The following HYDIN variants were observed in gnomAD, a reference collection of about 807,000 sequenced individuals.
HYDIN encodes HYDIN axonemal central pair apparatus protein, also known as axonemal central pair apparatus protein HYDIN.
Under a neutral mutation model 403.9 loss-of-function variants are expected in HYDIN, and 132 were observed. The observed-to-expected ratio is 0.33, with a 90% CI of 0.28 to 0.38. The LOEUF is 0.38. HYDIN is among the 10% of genes least tolerant of loss of function. The pLI, the probability that HYDIN is intolerant of heterozygous loss-of-function variation, is 1.00. For synonymous variants in HYDIN, 1,202 were observed against 1,891.7 expected, an observed-to-expected ratio of 0.64 and a Z score of 9.46; for missense variants, 2,827 against 5,009.5, an observed-to-expected ratio of 0.56 and a Z score of 13.15.
chr16:70,981,310 G>A lies in HYDIN; in HGVS notation c.4510+81C>T, dbSNP rs2079038567. On this transcript the variant is annotated intron_variant, in intron 29 of 85. Coordinates refer to ENST00000393567, the MANE Select transcript of HYDIN (RefSeq NM_001270974.2). ...GGGCATTTCCAAGCAAATAAAGTAAGTAGCCAGCAATCTTCCAATAAGCAA... is the reference window on the plus strand; with the variant it reads ...GGGCATTTCCAAGCAAATAAAGTAAATAGCCAGCAATCTTCCAATAAGCAA... 3 of 1,472,312 alleles carry A rather than the reference G, an allele frequency of 2.0e-6. No homozygotes were observed. The East Asian group carries it at 7.1e-5, about 35-fold the overall frequency. 91.2% of individuals were successfully genotyped at this position (1,472,312 alleles called of 1,614,324 possible). A position where few individuals can be genotyped will look rare whatever the true frequency, so the allele number is the denominator to read the frequency against.
intron 84 of HYDIN, among the ~76,000 whole-genome samples, chr16:70,813,880 G>GTAGGTAGTAAT (rs2035665065): frequency 6.6e-6 from 1 of 151,930 alleles, no homozygotes; most frequent in African/African-American, 2.4e-5. Context: ...CTTACTCTAA[G>GTAGGTAGTAAT]TAGGTAGTAA....
At chr16:70,820,400 C>T (rs768088877) in intron 83 of HYDIN, among the ~76,000 whole-genome samples, 1 of 151,512 alleles carries the variant, frequency 6.6e-6, no homozygotes, top group South Asian at 2.1e-4. Flanking sequence ...ACCATGGTCT[C>T]GATCTCCTGA....
In HYDIN at chr16:70,920,640, A is replaced by T. The variant is rs1464306735; in HGVS notation, c.7736T>A (p.Leu2579Ter). 6.2e-7 allele frequency: 1 copy of T among 1,613,920 alleles called. No individual in the cohort carries two copies. The highest frequency in any genetic ancestry group is 1.1e-5 in the South Asian group (1 of 91,006). Residue 2579 changes from leucine (L) to a stop codon, truncating the protein, a stop_gained, in exon 46 of 86, where the codon TTG becomes TAG. Coordinates refer to ENST00000393567, the MANE Select transcript of HYDIN (RefSeq NM_001270974.2). LOFTEE classifies it high-confidence loss of function. ...GCTCTCTAGGGCCTGCTTCCAGCTC[A>T]AGCCTTCAAAGTCTGGTGTCTGGAT... ...LDIQTPDFEG[L>*]SWKQALESDK...
intron 45 of HYDIN, among the ~76,000 whole-genome samples, chr16:70,925,306 C>A (rs1282342143): frequency 2.6e-5 from 4 of 152,228 alleles, no homozygotes; most frequent in African/African-American, 9.6e-5. Context: ...GCAAGCAAGA[C>A]CCCTATCTTT....
At chr16:71,017,323 C>A (rs959646808) in intron 23 of HYDIN, among the ~76,000 whole-genome samples, 2 of 146,506 alleles carry the variant, frequency 1.4e-5, no homozygotes, top group African/African-American at 5.2e-5. Flanking sequence ...GCACTCCAGC[C>A]TGGGCGACAA....
At position 71,186,854 on chromosome 16, in the gene HYDIN, C is replaced by A. The variant is rs1442902035; in HGVS notation, c.42G>T (p.Gln14His). The change falls in exon 2 of 86, where the codon CAG (glutamine) becomes CAT (histidine). Residue 14 changes from glutamine to histidine, a missense_variant. Transcript: ENST00000393567. ...RRLEESMGAV[Q>H]MGLVNMFKGF... ...CTTTGAACATATTGACCAATCCCAT[C>A]TGAACAGCCCCCATGGACTCCTCAA... 2 of 1,613,252 alleles carry A rather than the reference C, an allele frequency of 1.2e-6. No homozygotes were observed. The highest frequency in any genetic ancestry group is 1.7e-5 in the Admixed American group (1 of 60,014).
At chr16:70,825,667 C>T (rs1357669428) in intron 83 of HYDIN, among the ~76,000 whole-genome samples, 2 of 147,040 alleles carry the variant, frequency 1.4e-5, no homozygotes, top group Admixed American at 6.6e-5. Flanking sequence ...TTTCATAATC[C>T]CTAAAACCCT....
rs111669450 is a variant in HYDIN, at chr16:71,072,255, C to G, written c.1739-2753G>C. On this transcript the variant is annotated intron_variant, in intron 13 of 85. Transcript: ENST00000393567. ...CAATGGGAAAATCTCTCCTCTGTAGCTGGGGATGTGGCTGGCTCCTGCCTC... is the reference window on the plus strand; with the variant it reads ...CAATGGGAAAATCTCTCCTCTGTAGGTGGGGATGTGGCTGGCTCCTGCCTC... Among the ~76,000 whole-genome samples the G allele has an allele frequency of 7.6e-4, 111 of 146,768 alleles. 2 individuals carry two copies. The highest frequency in any genetic ancestry group is 2.5e-3 in the African/African-American group (99 of 39,410).
chr16:71,048,968 A>G (rs917923769), intron 18 of HYDIN, among the ~76,000 whole-genome samples: 4 of 152,264 alleles, frequency 2.6e-5, no homozygotes, highest in African/African-American at 9.6e-5. Flanking sequence ...AACACTAAAA[A>G]GTAGTTAAGA....
chr16:71,031,381 G>A (rs1234127289), intron 19 of HYDIN: 7 of 1,184,142 alleles, frequency 5.9e-6, no homozygotes, highest in Non-Finnish European at 6.4e-6. Context: ...AGAAATTACG[G>A]TTGAGAGTCT....
At chr16:71,228,575 C>T (rs2041142092) in intron 1 of HYDIN, among the ~76,000 whole-genome samples, 1 of 152,194 alleles carries the variant, frequency 6.6e-6, no homozygotes, top group African/African-American at 2.4e-5. Flanking sequence ...CATCACTGGC[C>T]ATCAGAGAAA....
At chr16:71,067,257 G>A (rs760249928) in intron 15 of HYDIN, 33 bp downstream of exon 15, 38 of 1,406,740 alleles carry the variant, frequency 2.7e-5, no homozygotes, top group Middle Eastern at 1.9e-4. Context: ...GCTCGGGGGC[G>A]ACTCAGGAGA....
chr16:70,854,378 G>T (rs993030726), intron 73 of HYDIN, among the ~76,000 whole-genome samples: 16 of 148,942 alleles, frequency 1.1e-4, no homozygotes, highest in Non-Finnish European at 1.9e-4. Context: ...GGGATTACAG[G>T]TGTGTGCCAC....
intron 71 of HYDIN, among the ~76,000 whole-genome samples, chr16:70,859,783 C>T (rs1367873887): frequency 2.0e-5 from 3 of 152,050 alleles, no homozygotes; most frequent in Admixed American, 1.3e-4. Flanking sequence ...GGTCCCCAGG[C>T]ATTGGTGTCC....
intron 50 of HYDIN, among the ~76,000 whole-genome samples, chr16:70,906,169 T>G (rs969578687): frequency 6.6e-6 from 1 of 152,218 alleles, no homozygotes; most frequent in African/African-American, 2.4e-5. Context: ...CTAGAATTGC[T>G]AAGAATGGCT....
At chr16:71,226,807 C>T (rs2041052752) in intron 1 of HYDIN, among the ~76,000 whole-genome samples, 1 of 152,158 alleles carries the variant, frequency 6.6e-6, no homozygotes, top group South Asian at 2.1e-4. Flanking sequence ...CGCATCCAGA[C>T]AGTGAGAGAC....
chr16:71,205,704 A>G lies in HYDIN; in HGVS notation c.-23-18786T>C, dbSNP rs1598027922. ...CCACCTCTCCTACCCTGCCATTGAT[A>G]GCCAGCTATGCAACACTTGCTGGAG... On this transcript the variant is annotated intron_variant, in intron 1 of 85. Coordinates refer to ENST00000393567, the MANE Select transcript of HYDIN (RefSeq NM_001270974.2). 2.0e-5 allele frequency among the ~76,000 whole-genome samples: 3 copies of G among 152,212 alleles called. No individual in the cohort carries two copies. In the South Asian group the frequency reaches 6.2e-4, roughly 31 times the overall value.
At chr16:71,087,217 T>G (rs1304035511) in intron 12 of HYDIN, among the ~76,000 whole-genome samples, 5 of 152,200 alleles carry the variant, frequency 3.3e-5, no homozygotes, top group Admixed American at 3.3e-4. Flanking sequence ...GGGGGTTGTA[T>G]GACTTTGCTA....
At chr16:71,210,690 A>G (rs2088541467) in intron 1 of HYDIN, among the ~76,000 whole-genome samples, 12 of 152,220 alleles carry the variant, frequency 7.9e-5, no homozygotes, top group Admixed American at 6.5e-4. Context: ...CAAATTGTCT[A>G]TGAATGCCAG....
Sources: gnomAD v4.1 joint callset for allele counts (sites outside exome capture counted in the v4.1 genomes callset) on GRCh38, gnomAD v4.1.1 for gene constraint, MANE v1.5 for transcripts, NCBI Gene and HGNC (gene_info 2026-07-23, HGNC 2026-07-21) for gene names.